DCLK2: variants seen among roughly 807,000 people sequenced by gnomAD.
DCLK2 encodes doublecortin like kinase 2.
Under a neutral mutation model 78.4 loss-of-function variants are expected in DCLK2, and 31 were observed. That is an observed-to-expected ratio of 0.40 (90% CI 0.30 to 0.53). The LOEUF (loss-of-function observed/expected upper bound fraction) is 0.53, where lower values mean the gene tolerates loss of function less well. Among genes scored for constraint, DCLK2 ranks in the 20% least tolerant of loss-of-function variants. The pLI, the probability that DCLK2 is intolerant of heterozygous loss-of-function variation, is 0.61. For missense variants in DCLK2, 872 were observed against 973.7 expected, an observed-to-expected ratio of 0.90 and a Z score of 1.39; for synonymous variants, 407 against 374.9, an observed-to-expected ratio of 1.09 and a Z score of -0.99.
intron 4 of DCLK2, among the ~76,000 whole-genome samples, 195 bp from the exon 5 acceptor site, chr4:150,203,600 C>G (rs1023302039): frequency 9.6e-5 from 5 of 52,070 alleles, no homozygotes; most frequent in African/African-American, 2.5e-4. Context: ...TAGTTTCACT[C>G]TGTTTTTTTT....
intron 2 of DCLK2, among the ~76,000 whole-genome samples, chr4:150,142,690 G>A (rs1259094650): frequency 4.6e-5 from 7 of 152,108 alleles, no homozygotes; most frequent in Non-Finnish European, 8.8e-5. Flanking sequence ...CCTTGGATCC[G>A]AGACTCTGTT....
intron 5 of DCLK2, among the ~76,000 whole-genome samples, chr4:150,211,046 G>A (rs548995133): frequency 3.9e-5 from 6 of 152,148 alleles, no homozygotes; most frequent in East Asian, 3.9e-4. Context: ...CAGTTTTTAC[G>A]GGTCAGAAAT....
intron 1 of DCLK2, among the ~76,000 whole-genome samples, chr4:150,088,054 C>G (rs375728026): frequency 2.6e-5 from 4 of 152,214 alleles, no homozygotes; most frequent in African/African-American, 9.6e-5. Flanking sequence ...GTATTGTTTT[C>G]TGAGCCCCAA....
intron 4 of DCLK2, 152 bp downstream of exon 4, chr4:150,198,255 T>G: frequency 1.5e-6 from 1 of 652,214 alleles, no homozygotes; most frequent in Non-Finnish European, 2.5e-6. Flanking sequence ...AAACCAAAAG[T>G]CAAGTCTGTT....
chr4:150,194,898 G>C (rs1388688255), intron 3 of DCLK2, among the ~76,000 whole-genome samples: 1 of 151,442 alleles, frequency 6.6e-6, no homozygotes, highest in Non-Finnish European at 1.5e-5. Flanking sequence ...ATTACTTCTT[G>C]TTGCACTGTG....
intron 2 of DCLK2, among the ~76,000 whole-genome samples, chr4:150,159,836 A>C (rs575760786): frequency 6.6e-6 from 1 of 152,134 alleles, no homozygotes; most frequent in African/African-American, 2.4e-5. Context: ...ACGTTTTCAT[A>C]TGTTCCGCTT....
At chr4:150,182,285 G>GATCCTCTC (rs1417733370) in intron 2 of DCLK2, among the ~76,000 whole-genome samples, 1 of 152,024 alleles carries the variant, frequency 6.6e-6, no homozygotes, top group East Asian at 1.9e-4. Flanking sequence ...GGCCTCAAGC[G>GATCCTCTC]ATCCTCTCAC....
At chr4:150,149,728 C>CA (rs1734754837) in intron 2 of DCLK2, among the ~76,000 whole-genome samples, 2 of 152,254 alleles carry the variant, frequency 1.3e-5, no homozygotes, top group South Asian at 4.1e-4. Context: ...TTTTCTTTGC[C>CA]AATGAATGTC....
chr4:150,081,466 C>A (rs4356899), intron 1 of DCLK2, among the ~76,000 whole-genome samples: 21,986 of 152,070 alleles, frequency 0.14, 1,982 homozygotes, highest in Non-Finnish European at 0.21. Context: ...TCTATGGAGT[C>A]CAAATCATAC....
At chr4:150,197,165 AAAAAG>A (rs1471928917) in intron 3 of DCLK2, among the ~76,000 whole-genome samples, 2 of 152,164 alleles carry the variant, frequency 1.3e-5, no homozygotes, top group African/African-American at 4.8e-5. Context: ...AAAAAAAAAA[AAAAAG>A]AGAGAGAGAA....
intron 3 of DCLK2, among the ~76,000 whole-genome samples, chr4:150,196,833 T>G (rs1198309805): frequency 6.6e-6 from 1 of 152,236 alleles, no homozygotes; most frequent in Non-Finnish European, 1.5e-5. Flanking sequence ...ATTATTTTAT[T>G]TGGTGATTTA....
chr4:150,174,668 C>T (rs1321595739), intron 2 of DCLK2, among the ~76,000 whole-genome samples: 1 of 151,450 alleles, frequency 6.6e-6, no homozygotes, highest in African/African-American at 2.4e-5. Flanking sequence ...CTGAATAAAT[C>T]ACAAAATAAT....
chr4:150,092,587 A>G (rs1014279112), intron 1 of DCLK2, among the ~76,000 whole-genome samples: 1 of 152,092 alleles, frequency 6.6e-6, no homozygotes, highest in African/African-American at 2.4e-5. Flanking sequence ...GGCCATTTGT[A>G]TGTCTTTTTT....
chr4:150,203,376 T>C (rs948221137), intron 4 of DCLK2, among the ~76,000 whole-genome samples: 2 of 152,202 alleles, frequency 1.3e-5, no homozygotes, highest in South Asian at 2.1e-4. Flanking sequence ...TTCTTGGTTA[T>C]CCAAACTTCT....
At chr4:150,101,040 C>T (rs929364695) in intron 1 of DCLK2, among the ~76,000 whole-genome samples, 5 of 152,094 alleles carry the variant, frequency 3.3e-5, no homozygotes, top group African/African-American at 1.2e-4. Context: ...CTCGCTTGAA[C>T]ACAGGAGTTC....
chr4:150,136,359 G>C (rs1338605407), intron 2 of DCLK2, among the ~76,000 whole-genome samples: 1 of 152,174 alleles, frequency 6.6e-6, no homozygotes, highest in African/African-American at 2.4e-5. Flanking sequence ...AGCTGAGGAG[G>C]TTGCCTGACC....
intron 15 of DCLK2, among the ~76,000 whole-genome samples, chr4:150,255,506 C>A (rs1189140839): frequency 1.3e-5 from 2 of 152,208 alleles, no homozygotes; most frequent in Non-Finnish European, 2.9e-5. Context: ...CATGGAGGAT[C>A]TGAAAAAAGA....
chr4:150,100,085 G>A (rs547627734), intron 1 of DCLK2, among the ~76,000 whole-genome samples: 9 of 152,156 alleles, frequency 5.9e-5, no homozygotes, highest in Non-Finnish European at 8.8e-5. Context: ...GCTAATTTTT[G>A]TATTTTTAGT....
rs572744072 is a variant in DCLK2 at position 150,135,192 on chromosome 4, A to T, written c.756+32380A>T. 5.9e-5 allele frequency among the ~76,000 whole-genome samples: 9 copies of T among 151,586 alleles called. No individual in the cohort carries two copies. The South Asian group carries it at 1.9e-3, about 32-fold the overall frequency. On this transcript the variant is annotated intron_variant, in intron 2 of 15. Coordinates refer to ENST00000296550, the MANE Select transcript of DCLK2 (RefSeq NM_001040260.4). ...CACACACACACACACACACACACAC[A>T]CTGTCTCTCTCAGTTTCAGGTTGTA...
Sources: gnomAD v4.1 joint callset for allele counts (sites outside exome capture counted in the v4.1 genomes callset) on GRCh38, gnomAD v4.1.1 for gene constraint, MANE v1.5 for transcripts, NCBI Gene and HGNC (gene_info 2026-07-23, HGNC 2026-07-21) for gene names.